Variants in HMGA2 observed in about 807,000 individuals in gnomAD.
HMGA2 encodes the protein high mobility group AT-hook 2.
A neutral mutation model predicts 19.1 loss-of-function variants in HMGA2; 8 were observed. The observed-to-expected ratio is 0.42, with a 90% CI of 0.25 to 0.76. The LOEUF is 0.76. Among genes scored for constraint, HMGA2 ranks in the 30% least tolerant of loss-of-function variants. The pLI, the probability that HMGA2 is intolerant of heterozygous loss-of-function variation, is 0.28. For synonymous variants in HMGA2, 60 were observed against 48.8 expected, an observed-to-expected ratio of 1.23 and a Z score of -0.96; for missense variants, 109 against 136.3, an observed-to-expected ratio of 0.80 and a Z score of 1.00.
intron 3 of HMGA2, among the ~76,000 whole-genome samples, chr12:65,925,243 CTAA>C (rs1275321946): frequency 3.3e-5 from 5 of 152,180 alleles, no homozygotes; most frequent in African/African-American, 1.2e-4. Flanking sequence ...AGGTGTGACT[CTAA>C]CTATTCTTCA....
At position 65,915,079 on chromosome 12, in the gene HMGA2, C is replaced by G. The variant is rs145205797; in HGVS notation, c.250-36304C>G. 1,747 of 1,613,750 alleles carry G rather than the reference C, an allele frequency of 1.1e-3. 21 individuals are homozygous for G. Among genetic ancestry groups the G allele is most frequent in the Non-Finnish European group, 3.1e-4 (362 of 1,179,774 alleles). Reference sequence around the variant, plus strand: ...CACAGGACAATCTACTACCAAGAACCAGCTCCAAGAAGAAAACATCTCTGG... The same window carrying G: ...CACAGGACAATCTACTACCAAGAACGAGCTCCAAGAAGAAAACATCTCTGG... On this transcript the variant is annotated intron_variant, in intron 3 of 4. Transcript: ENST00000403681.
intron 2 of HMGA2, 122 bp from the exon 3 acceptor site, chr12:65,838,397 A>AC (rs1248200893): frequency 4.0e-5 from 30 of 755,640 alleles, no homozygotes; most frequent in Non-Finnish European, 6.0e-5. Context: ...AAAAAACAAA[A>AC]AAAAAAAAAC....
chr12:65,918,475 G>GT (rs980361045), intron 3 of HMGA2, among the ~76,000 whole-genome samples: 15 of 152,072 alleles, frequency 9.9e-5, no homozygotes, highest in Admixed American at 3.3e-4. Context: ...TAATCTGTAA[G>GT]TTTTTTTATG....
At chr12:65,930,634 C>A (rs1056576828) in intron 3 of HMGA2, among the ~76,000 whole-genome samples, 2 of 152,140 alleles carry the variant, frequency 1.3e-5, no homozygotes, top group African/African-American at 4.8e-5. Flanking sequence ...GTCATTTCCT[C>A]CCCCTAAATA....
chr12:65,861,846 CTTTTTTTTTTT>C (rs1346372420), intron 3 of HMGA2, among the ~76,000 whole-genome samples: 9 of 134,176 alleles, frequency 6.7e-5, no homozygotes, highest in Non-Finnish European at 1.5e-4. Context: ...CAACATGTTT[CTTTTTTTTTTT>C]TTTTGGAATG....
intron 3 of HMGA2, among the ~76,000 whole-genome samples, chr12:65,927,406 C>A (rs1311500286): frequency 6.6e-6 from 1 of 152,162 alleles, no homozygotes; most frequent in Non-Finnish European, 1.5e-5. Flanking sequence ...TATTCTGCCT[C>A]CACTAGATGT....
At chr12:65,945,498 A>C (rs993857058) in intron 3 of HMGA2, among the ~76,000 whole-genome samples, 1 of 152,126 alleles carries the variant, frequency 6.6e-6, no homozygotes, top group African/African-American at 2.4e-5. Context: ...AGCATATTTC[A>C]CAGCACATAA....
intron 3 of HMGA2, among the ~76,000 whole-genome samples, chr12:65,869,458 A>G (rs1332821769): frequency 6.6e-6 from 1 of 152,226 alleles, no homozygotes; most frequent in Admixed American, 6.5e-5. Flanking sequence ...TGCTGAAGTT[A>G]GCAGGGAAAA....
chr12:65,965,866 T>C lies in HMGA2; in HGVS notation c.*2574T>C, dbSNP rs1876893502. 4.7e-6 allele frequency: 1 copy of C among 214,660 alleles called. No homozygotes were observed. Among genetic ancestry groups the C allele is most frequent in the Non-Finnish European group, 9.4e-6 (1 of 106,090 alleles). The allele number at this position is 214,660 out of a possible 1,614,324, so 13.3% of individuals were successfully genotyped here. On this transcript the variant is annotated 3_prime_UTR_variant, in exon 5 of 5. Transcript: ENST00000403681. Reference sequence around the variant, plus strand: ...TTTTCATACTGAAAAAAAAAGCTTGTGGCCAATGGAACAGTAAGAACATCA... The same window carrying C: ...TTTTCATACTGAAAAAAAAAGCTTGCGGCCAATGGAACAGTAAGAACATCA...
At chr12:65,938,351 T>C (rs2121286463) in intron 3 of HMGA2, among the ~76,000 whole-genome samples, 1 of 152,324 alleles carries the variant, frequency 6.6e-6, no homozygotes. Context: ...TGGGGTTCAC[T>C]GTTATACCCA....
intron 4 of HMGA2, chr12:65,952,293 G>C: frequency 9.0e-7 from 1 of 1,104,996 alleles, no homozygotes; most frequent in South Asian, 1.3e-5. Context: ...GTAATTTTAA[G>C]TATCCATGAA....
At chr12:65,893,313 C>CAAGATATGCCAT (rs1233291121) in intron 3 of HMGA2, among the ~76,000 whole-genome samples, 6 of 152,186 alleles carry the variant, frequency 3.9e-5, no homozygotes, top group African/African-American at 1.4e-4. Context: ...AGTTTCATGA[C>CAAGATATGCCAT]AAGATATGCC....
chr12:65,949,855 A>G (rs1283011896), intron 3 of HMGA2, among the ~76,000 whole-genome samples: 1 of 152,240 alleles, frequency 6.6e-6, no homozygotes, highest in Non-Finnish European at 1.5e-5. Context: ...CAACTTTGTT[A>G]TGAAGAGATA....
Position 65,963,899 on chromosome 12 carries a change from T to C in HMGA2, c.*607T>C, listed in dbSNP as rs1271175194. 1 of 212,908 alleles carries C rather than the reference T, an allele frequency of 4.7e-6. No individual in the cohort carries two copies. Among genetic ancestry groups the C allele is most frequent in the Non-Finnish European group, 9.5e-6 (1 of 105,156 alleles). The allele number at this position is 212,908 out of a possible 1,614,324, so 13.2% of individuals were successfully genotyped here. On this transcript the variant is annotated 3_prime_UTR_variant, in exon 5 of 5. Transcript: ENST00000403681. ...CTTTTTATTTCTAAATGAGACGAAA[T>C]GCTGATGTATCCTTTCATTCAGCTA...
Position 65,915,487 on chromosome 12 carries a change from A to G in HMGA2, c.250-35896A>G, listed in dbSNP as rs1875066604. On this transcript the variant is annotated intron_variant, in intron 3 of 4. Coordinates refer to ENST00000403681, the MANE Select transcript of HMGA2 (RefSeq NM_003483.6). ...TTTTTGCAGAAATCACAGTGTGGCTATGGTGTGGTTTGATTTCATAAAACA... is the reference window on the plus strand; with the variant it reads ...TTTTTGCAGAAATCACAGTGTGGCTGTGGTGTGGTTTGATTTCATAAAACA... 30 of 1,225,136 alleles carry G rather than the reference A, an allele frequency of 2.4e-5. No individual in the cohort carries two copies. In the South Asian group the frequency reaches 5.4e-4, roughly 22 times the overall value. The allele number at this position is 1,225,136 out of a possible 1,614,324, so 75.9% of individuals were successfully genotyped here.
At chr12:65,897,686 G>A (rs926615165) in intron 3 of HMGA2, among the ~76,000 whole-genome samples, 15 of 152,312 alleles carry the variant, frequency 9.8e-5, no homozygotes, top group African/African-American at 2.6e-4. Context: ...AAGGCCGGGC[G>A]TGGTGGCTCA....
intron 3 of HMGA2, among the ~76,000 whole-genome samples, chr12:65,867,212 G>A (rs1054153616): frequency 2.0e-5 from 3 of 152,184 alleles, no homozygotes; most frequent in African/African-American, 4.8e-5. Context: ...CACAAGCTAC[G>A]TAGAAACAGG....
chr12:65,900,887 A>G (rs1394416266), intron 3 of HMGA2, among the ~76,000 whole-genome samples: 2 of 152,374 alleles, frequency 1.3e-5, no homozygotes, highest in African/African-American at 4.8e-5. Flanking sequence ...AAAAATTAAC[A>G]TATATAAATG....
intron 4 of HMGA2, chr12:65,952,969 A>G (rs1876505725): frequency 6.6e-6 from 1 of 152,446 alleles, no homozygotes; most frequent in Non-Finnish European, 1.5e-5. Flanking sequence ...CCTTGTGAGC[A>G]AATAGTGAAC....
Sources: allele counts gnomAD v4.1 joint callset (sites outside exome capture counted in the v4.1 genomes callset), GRCh38; gene constraint gnomAD v4.1.1; transcripts MANE v1.5; gene names NCBI Gene and HGNC (gene_info 2026-07-23, HGNC 2026-07-21).